Variants in RARS1 observed in about 807,000 individuals in gnomAD.
The protein encoded by RARS1 is arginine--tRNA ligase, cytoplasmic.
RARS1 carries 75 observed loss-of-function variants against 78.7 expected under a neutral mutation model. That is an observed-to-expected ratio of 0.95 (90% CI 0.79 to 1.15). The LOEUF is 1.15. Ranked by LOEUF, RARS1 falls within the 50% of genes most tolerant of loss-of-function variation. The pLI is 0.00. For synonymous variants in RARS1, 273 were observed against 268.2 expected, an observed-to-expected ratio of 1.02 and a Z score of -0.18; for missense variants, 787 against 787.5, an observed-to-expected ratio of 1.00 and a Z score of 0.01.
At chr5:168,516,398 T>C (rs1319013176) in intron 12 of RARS1, among the ~76,000 whole-genome samples, 1 of 152,028 alleles carries the variant, frequency 6.6e-6, no homozygotes, top group Admixed American at 6.5e-5. Context: ...ACGCTAACTT[T>C]TTGTTTGTAT....
chr5:168,497,415 G>A (rs2152904189), intron 7 of RARS1, 67 bp downstream of exon 7: 1 of 1,307,282 alleles, frequency 7.6e-7, no homozygotes, highest in South Asian at 2.2e-5. Context: ...ATTTTCCTTA[G>A]GAAACTTAAA....
chr5:168,506,114 A>C lies in RARS1; in HGVS notation c.1151A>C (p.Tyr384Ser). The change falls in exon 10 of 15, where the codon TAT becomes TCT. Residue 384 changes from tyrosine to serine, a missense_variant. By Grantham distance (144) the Tyr-to-Ser change is moderately radical. Transcript: ENST00000231572. ...GTAAAATCAGATGGAGGTTATACCT[A>C]TGATACATCTGACCTGGCTGCTATT... ...TIVKSDGGYTYDTSDLAAIKQ... is the reference protein window; with the variant it reads ...TIVKSDGGYTSDTSDLAAIKQ... The C allele has an allele frequency of 6.2e-7, 1 of 1,603,770 alleles. No homozygotes were observed. Among genetic ancestry groups the C allele is most frequent in the East Asian group, 2.2e-5 (1 of 44,602 alleles).
intron 12 of RARS1, among the ~76,000 whole-genome samples, chr5:168,515,238 T>C (rs1300174515): frequency 6.6e-6 from 1 of 152,224 alleles, no homozygotes; most frequent in African/African-American, 2.4e-5. Flanking sequence ...CTTTTTTCTT[T>C]TGTTTCTGTT....
At chr5:168,508,026 A>G (rs1161053239) in intron 11 of RARS1, among the ~76,000 whole-genome samples, 2 of 152,208 alleles carry the variant, frequency 1.3e-5, no homozygotes, top group African/African-American at 4.8e-5. Context: ...CTGTGTCTCA[A>G]AAACAAAAAG....
At chr5:168,487,230 G>GC (rs545515034) in intron 1 of RARS1, among the ~76,000 whole-genome samples, 2 of 24,698 alleles carry the variant, frequency 8.1e-5, no homozygotes, top group Admixed American at 6.1e-4. Flanking sequence ...CGGCTGTGTT[G>GC]GGGGGGGTCC....
chr5:168,491,081 G>C (rs1758072362), intron 2 of RARS1, among the ~76,000 whole-genome samples: 1 of 152,230 alleles, frequency 6.6e-6, no homozygotes, highest in East Asian at 1.9e-4. Context: ...AGGTTGCAGT[G>C]AGCCAAAATC....
Position 168,519,172 on chromosome 5 carries a change from A to G in RARS1, c.1965A>G (p.Lys655=). The change falls in exon 15 of 15, where the codon AAA becomes AAG. Residue 655 remains lysine (K), a synonymous_variant. Transcript: ENST00000231572. ...MAKGFDILGI[K]PVQRM ...AGGGGTTTGATATCCTGGGAATAAAACCTGTCCAAAGGATGTAATCCTTCA... is the reference window on the plus strand; with the variant it reads ...AGGGGTTTGATATCCTGGGAATAAAGCCTGTCCAAAGGATGTAATCCTTCA... The G allele has an allele frequency of 6.2e-7, 1 of 1,613,374 alleles. No homozygotes were observed. The highest frequency in any genetic ancestry group is 8.5e-7 in the Non-Finnish European group (1 of 1,179,370).
chr5:168,518,290 C>A (rs983794910), intron 14 of RARS1, among the ~76,000 whole-genome samples: 9 of 151,324 alleles, frequency 5.9e-5, no homozygotes, highest in African/African-American at 2.2e-4. Context: ...GGATGGGGTG[C>A]CATTAAAGCA....
chr5:168,517,435 G>A lies in RARS1; in HGVS notation c.1626-380G>A, dbSNP rs559830188. ...TCGGATTACAGGCATGAGCCATCAC[G>A]CTCAGCCTAAAGTGTTCTTTTCAGA... On this transcript the variant is annotated intron_variant, in intron 13 of 14. Coordinates refer to ENST00000231572, the MANE Select transcript of RARS1 (RefSeq NM_002887.4). 1.8e-4 allele frequency among the ~76,000 whole-genome samples: 27 copies of A among 152,258 alleles called. No homozygotes were observed. The South Asian group carries it at 4.8e-3, about 27-fold the overall frequency.
intron 9 of RARS1, among the ~76,000 whole-genome samples, chr5:168,502,649 G>A (rs1758356048): frequency 6.9e-6 from 1 of 144,206 alleles, no homozygotes; most frequent in African/African-American, 2.6e-5. Flanking sequence ...TCGGCTGACT[G>A]CAACCTCCGC....
intron 5 of RARS1, 153 bp downstream of exon 5, chr5:168,494,803 C>A: frequency 1.7e-6 from 1 of 582,562 alleles, no homozygotes; most frequent in Non-Finnish European, 3.0e-6. Flanking sequence ...GCTGTGATCG[C>A]ACCTGTGAAT....
At chr5:168,506,515 C>T (rs1325357243) in intron 10 of RARS1, among the ~76,000 whole-genome samples, 8 of 152,240 alleles carry the variant, frequency 5.3e-5, no homozygotes, top group East Asian at 1.9e-4. Flanking sequence ...GCTTTAAAAA[C>T]GTTTGAACAT....
At chr5:168,491,817 A>C (rs1217926383) in intron 2 of RARS1, among the ~76,000 whole-genome samples, 1 of 152,226 alleles carries the variant, frequency 6.6e-6, no homozygotes. Context: ...TACTGTTGAC[A>C]TTTTGATGAA....
chr5:168,508,715 AT>A (rs1170552540), intron 11 of RARS1, among the ~76,000 whole-genome samples: 6 of 151,856 alleles, frequency 4.0e-5, no homozygotes, highest in Non-Finnish European at 8.8e-5. Flanking sequence ...CTATTTTTAA[AT>A]GACATTTTCT....
intron 11 of RARS1, among the ~76,000 whole-genome samples, chr5:168,509,474 TATATC>T (rs1758523425): frequency 7.1e-6 from 1 of 141,614 alleles, no homozygotes; most frequent in Non-Finnish European, 1.5e-5. Flanking sequence ...AAAATGATAT[TATATC>T]CTTGGTGTTA....
intron 12 of RARS1, among the ~76,000 whole-genome samples, chr5:168,516,400 TG>T (rs1463457236): frequency 1.3e-5 from 2 of 152,030 alleles, no homozygotes; most frequent in Non-Finnish European, 2.9e-5. Context: ...GCTAACTTTT[TG>T]TTTGTATTTT....
intron 3 of RARS1, chr5:168,493,317 G>A: frequency 6.4e-6 from 1 of 156,302 alleles, no homozygotes; most frequent in Non-Finnish European, 1.4e-5. Flanking sequence ...CATCTGGCTT[G>A]GGTCTTTCTG....
intron 13 of RARS1, 65 bp downstream of exon 13, chr5:168,517,015 A>AT: frequency 6.8e-6 from 10 of 1,468,926 alleles, no homozygotes; most frequent in Middle Eastern, 1.9e-4. Context: ...ACTCAAAAAT[A>AT]TTTTCTTTTT....
At chr5:168,497,101 A>G (rs187176955) in intron 6 of RARS1, 127 bp from the exon 7 acceptor site, 9 of 707,152 alleles carry the variant, frequency 1.3e-5, no homozygotes, top group Non-Finnish European at 1.6e-5. Flanking sequence ...AAGTAAACAG[A>G]TATTACTAAA....
Sources: gnomAD v4.1 joint callset for allele counts (sites outside exome capture counted in the v4.1 genomes callset) on GRCh38, gnomAD v4.1.1 for gene constraint, MANE v1.5 for transcripts, NCBI Gene and HGNC (gene_info 2026-07-23, HGNC 2026-07-21) for gene names.